LRCH1: variants seen among roughly 807,000 people sequenced by gnomAD.
LRCH1 encodes leucine-rich repeat and calponin homology domain-containing protein 1.
LRCH1 carries 23 observed loss-of-function variants against 94.9 expected under a neutral mutation model. The ratio of observed to expected loss-of-function variants is 0.24; its 90% CI spans 0.17 to 0.34. The LOEUF is 0.34. Ranked by LOEUF, LRCH1 falls within the 10% of genes least tolerant of loss-of-function variation. The pLI, the probability that LRCH1 is intolerant of heterozygous loss-of-function variation, is 1.00. For missense variants in LRCH1, 790 were observed against 945.9 expected (o/e 0.84, Z 2.16); for synonymous variants, 364 against 354.9 (o/e 1.03, Z -0.29).
chr13:46,713,427 G>T (rs1872170523), intron 15 of LRCH1, among the ~76,000 whole-genome samples: 1 of 152,158 alleles, frequency 6.6e-6, no homozygotes, highest in African/African-American at 2.4e-5. Flanking sequence ...AAAGCATTTT[G>T]ACAACAGTAG....
At position 46,610,828 on chromosome 13, in the gene LRCH1, C is replaced by T. The variant is rs143791499; in HGVS notation, c.308-39373C>T. Among the ~76,000 whole-genome samples, 41 of 152,206 alleles carry T rather than the reference C, an allele frequency of 2.7e-4. No homozygotes were observed. In the East Asian group the frequency reaches 6.9e-3, roughly 26 times the overall value. ...CACAGTATCTTTTCAGATATGTGTC[C>T]GTCTGACATGTTCTGCACCACCCAC... On this transcript the variant is annotated intron_variant, in intron 1 of 19. Coordinates refer to ENST00000389797, the MANE Select transcript of LRCH1 (RefSeq NM_001164211.2).
At chr13:46,645,679 T>G (rs1285135282) in intron 1 of LRCH1, among the ~76,000 whole-genome samples, 2 of 150,514 alleles carry the variant, frequency 1.3e-5, no homozygotes, top group Admixed American at 1.3e-4. Context: ...GATTTAGAAC[T>G]AGTCTTCTGC....
rs576155583 is a variant in LRCH1 at position 46,703,600 on chromosome 13, A to T, written c.1401-1468A>T. On this transcript the variant is annotated intron_variant, in intron 11 of 19. Transcript: ENST00000389797. Reference sequence around the variant, plus strand: ...AGAGAATGAGGGGTAGGTATTTTTAATAGCAAATATTTGGAAAAAGAAATT... The same window carrying T: ...AGAGAATGAGGGGTAGGTATTTTTATTAGCAAATATTTGGAAAAAGAAATT... 1.5e-4 allele frequency among the ~76,000 whole-genome samples: 23 copies of T among 152,326 alleles called. No individual in the cohort carries two copies. In the East Asian group the frequency reaches 4.4e-3, roughly 29 times the overall value.
intron 1 of LRCH1, among the ~76,000 whole-genome samples, chr13:46,634,701 C>G (rs2051061453): frequency 6.6e-6 from 1 of 152,208 alleles, no homozygotes; most frequent in Non-Finnish European, 1.5e-5. Context: ...TTACCTGTCT[C>G]CCCCTCCTGT....
At chr13:46,730,267 A>T (rs561799804) in intron 18 of LRCH1, among the ~76,000 whole-genome samples, 99 of 152,314 alleles carry the variant, frequency 6.5e-4, no homozygotes, top group African/African-American at 2.1e-3. Context: ...TCTATAATGG[A>T]AATGTTCTTG....
intron 13 of LRCH1, among the ~76,000 whole-genome samples, chr13:46,706,264 G>C (rs1871754810): frequency 6.6e-6 from 1 of 152,172 alleles, no homozygotes; most frequent in Non-Finnish European, 1.5e-5. Context: ...ATTCATTACT[G>C]TAATTGGGAT....
intron 1 of LRCH1, among the ~76,000 whole-genome samples, chr13:46,643,012 A>G (rs942887974): frequency 4.6e-5 from 7 of 152,230 alleles, no homozygotes; most frequent in African/African-American, 1.7e-4. Flanking sequence ...CTATACAAGC[A>G]TATTTATAAT....
intron 1 of LRCH1, among the ~76,000 whole-genome samples, chr13:46,594,836 T>A (rs899670705): frequency 7.2e-5 from 11 of 152,186 alleles, no homozygotes; most frequent in African/African-American, 2.2e-4. Flanking sequence ...TGTGTTTTTT[T>A]AATTTAGCTC....
At chr13:46,696,386 C>T (rs373994707) in intron 9 of LRCH1, among the ~76,000 whole-genome samples, 6 of 152,228 alleles carry the variant, frequency 3.9e-5, no homozygotes, top group East Asian at 1.9e-4. Flanking sequence ...TGGAGTATAT[C>T]GAGCATTCAT....
chr13:46,659,037 C>G (rs1004767166), intron 2 of LRCH1, among the ~76,000 whole-genome samples: 1 of 152,136 alleles, frequency 6.6e-6, no homozygotes. Context: ...CATTGTAACA[C>G]ATTTTGCATC....
intron 3 of LRCH1, among the ~76,000 whole-genome samples, chr13:46,669,838 G>T (rs1355040328): frequency 1.3e-5 from 2 of 152,230 alleles, no homozygotes; most frequent in African/African-American, 4.8e-5. Flanking sequence ...CAGTCAGGCT[G>T]AAAGGTGATA....
chr13:46,645,334 G>T (rs947879034), intron 1 of LRCH1, among the ~76,000 whole-genome samples: 1 of 152,096 alleles, frequency 6.6e-6, no homozygotes, highest in Non-Finnish European at 1.5e-5. Flanking sequence ...TTAAAATTCA[G>T]ATTATATGAT....
At chr13:46,701,401 G>C (rs1246698554) in intron 11 of LRCH1, among the ~76,000 whole-genome samples, 194 bp downstream of exon 11, 1 of 152,142 alleles carries the variant, frequency 6.6e-6, no homozygotes, top group Non-Finnish European at 1.5e-5. Flanking sequence ...GAGGGAGTGA[G>C]ATCAATTTCC....
At chr13:46,594,035 A>G (rs1284062819) in intron 1 of LRCH1, among the ~76,000 whole-genome samples, 1 of 152,112 alleles carries the variant, frequency 6.6e-6, no homozygotes, top group Non-Finnish European at 1.5e-5. Flanking sequence ...TGTTTGCATC[A>G]TAGGATAGAT....
Position 46,731,875 on chromosome 13 carries a change from T to C in LRCH1, c.2008-2046T>C, listed in dbSNP as rs1486584590. On this transcript the variant is annotated intron_variant, in intron 18 of 19. Transcript: ENST00000389797. ...TCCCTTTCCTTCTCTATTTCAGCAT[T>C]CAGAAAACAAACCATTCTCAACGCC... 2.0e-5 allele frequency among the ~76,000 whole-genome samples: 3 copies of C among 152,192 alleles called. 1 individual carries two copies. Among genetic ancestry groups the C allele is most frequent in the Non-Finnish European group, 4.4e-5 (3 of 68,030 alleles).
intron 10 of LRCH1, among the ~76,000 whole-genome samples, chr13:46,700,092 G>A (rs1871386936): frequency 6.6e-6 from 1 of 152,206 alleles, no homozygotes; most frequent in Non-Finnish European, 1.5e-5. Context: ...AAGATTTACA[G>A]GGGAGGGGGT....
chr13:46,675,656 G>A (rs944908723), intron 3 of LRCH1, among the ~76,000 whole-genome samples: 8 of 152,156 alleles, frequency 5.3e-5, no homozygotes, highest in South Asian at 2.1e-4. Flanking sequence ...CTTGGGTAGC[G>A]TTCCAATCTC....
chr13:46,634,830 G>A (rs948553125), intron 1 of LRCH1, among the ~76,000 whole-genome samples: 7 of 151,960 alleles, frequency 4.6e-5, no homozygotes, highest in African/African-American at 9.7e-5. Flanking sequence ...GTGAGCCAAC[G>A]TGTGGGTGGT....
At chr13:46,624,334 G>A (rs1158038441) in intron 1 of LRCH1, among the ~76,000 whole-genome samples, 1 of 152,184 alleles carries the variant, frequency 6.6e-6, no homozygotes, top group Non-Finnish European at 1.5e-5. Context: ...TTTGAGTATG[G>A]AAGTGTTCCA....
Sources: gnomAD v4.1 joint callset for allele counts (sites outside exome capture counted in the v4.1 genomes callset) on GRCh38, gnomAD v4.1.1 for gene constraint, MANE v1.5 for transcripts, NCBI Gene and HGNC (gene_info 2026-07-23, HGNC 2026-07-21) for gene names.